The following AKAP10 variants were observed in gnomAD, a reference collection of about 807,000 sequenced individuals.
AKAP10 encodes A-kinase anchor protein 10, mitochondrial.
AKAP10 carries 24 observed loss-of-function variants against 80.8 expected under a neutral mutation model. That is an observed-to-expected ratio of 0.30 (90% CI 0.22 to 0.42). AKAP10 has a LOEUF of 0.42. Among genes scored for constraint, AKAP10 ranks in the 10% least tolerant of loss-of-function variants. AKAP10 has a pLI of 1.00. For missense variants in AKAP10, 661 were observed against 794.9 expected (o/e 0.83, Z 2.03); for synonymous variants, 291 against 277.7 (o/e 1.05, Z -0.48).
chr17:19,926,727 C>T (rs1476158617), intron 10 of AKAP10, among the ~76,000 whole-genome samples: 2 of 152,182 alleles, frequency 1.3e-5, no homozygotes. Context: ...AGGTGAAAGG[C>T]TTCTACTCTG....
At chr17:19,942,333 G>A (rs1171081273) in intron 5 of AKAP10, among the ~76,000 whole-genome samples, 1 of 151,768 alleles carries the variant, frequency 6.6e-6, no homozygotes, top group African/African-American at 2.4e-5. Flanking sequence ...AACGTGAAAA[G>A]ACATACATAC....
chr17:19,932,566 T>C (rs1042232250), intron 9 of AKAP10, among the ~76,000 whole-genome samples: 39 of 151,244 alleles, frequency 2.6e-4, no homozygotes, highest in African/African-American at 9.2e-4. Context: ...TAGCAGAAAA[T>C]AGTCCATAGG....
intron 4 of AKAP10, among the ~76,000 whole-genome samples, chr17:19,954,665 T>G (rs887584355): frequency 6.6e-6 from 1 of 151,110 alleles, no homozygotes; most frequent in Non-Finnish European, 1.5e-5. Context: ...TTTTTTTTTT[T>G]TGTATTTTTA....
At chr17:19,917,327 G>A (rs1247171910) in intron 12 of AKAP10, among the ~76,000 whole-genome samples, 1 of 152,010 alleles carries the variant, frequency 6.6e-6, no homozygotes, top group Non-Finnish European at 1.5e-5. Context: ...ATTAATACTG[G>A]GGAGGAGACC....
intron 8 of AKAP10, among the ~76,000 whole-genome samples, chr17:19,937,208 C>T (rs2043001742): frequency 6.6e-6 from 1 of 151,920 alleles, no homozygotes; most frequent in South Asian, 2.1e-4. Context: ...ATATATGATA[C>T]AAAAACAAGC....
chr17:19,943,203 T>C (rs536986691), intron 5 of AKAP10, among the ~76,000 whole-genome samples: 4 of 152,292 alleles, frequency 2.6e-5, no homozygotes, highest in Admixed American at 2.6e-4. Flanking sequence ...GCCAGTTTCT[T>C]AGCATACAGC....
At chr17:19,920,839 G>C (rs1449942702) in intron 11 of AKAP10, among the ~76,000 whole-genome samples, 1 of 90,016 alleles carries the variant, frequency 1.1e-5, no homozygotes, top group Non-Finnish European at 1.9e-5. Context: ...CTGGGCAACA[G>C]AGCAAGACTC....
chr17:19,909,084 T>C (rs2042662742), intron 14 of AKAP10, 97 bp downstream of exon 14: 1 of 994,680 alleles, frequency 1.0e-6, no homozygotes, highest in Non-Finnish European at 1.5e-6. Flanking sequence ...CCACAGCAGT[T>C]AATCCTTCAA....
intron 12 of AKAP10, among the ~76,000 whole-genome samples, chr17:19,911,359 A>T (rs1043099395): frequency 4.6e-5 from 7 of 152,202 alleles, no homozygotes; most frequent in African/African-American, 1.4e-4. Flanking sequence ...TCAACCTTGG[A>T]CATATCATAA....
In AKAP10 at chr17:19,931,041, G is replaced by T. The variant is rs565588384; in HGVS notation, c.1641+764C>A. Among the ~76,000 whole-genome samples the T allele has an allele frequency of 2.6e-5, 4 of 152,190 alleles. No homozygotes were observed. The East Asian group carries it at 7.7e-4, about 29-fold the overall frequency. On this transcript the variant is annotated intron_variant, in intron 10 of 14. Transcript: ENST00000225737. ...AATTTCAAATTAGCCAGGCGTGGTG[G>T]TGCATGCCTCTAGTCCCAGCTATTC...
chr17:19,936,345 C>T lies in AKAP10; in HGVS notation c.1408G>A (p.Gly470Arg). The change falls in exon 9 of 15, where the codon GGG becomes AGG. Residue 470 changes from glycine to arginine, a missense_variant. Coordinates refer to ENST00000225737, the MANE Select transcript of AKAP10 (RefSeq NM_007202.4). The part of the protein sequence containing the change: ...EIESNICREG[G>R]PLPNCFTTPL... ...GTTGTGAAACAGTTGGGGAGTGGCC[C>T]ACCTTCCCTGCAGATATTGGATTCA... The T allele has an allele frequency of 6.2e-7, 1 of 1,613,880 alleles. No individual in the cohort carries two copies. The highest frequency in any genetic ancestry group is 8.5e-7 in the Non-Finnish European group (1 of 1,179,860).
chr17:19,936,080 T>TCG (rs1567760118), intron 9 of AKAP10: 2 of 432,280 alleles, frequency 4.6e-6, no homozygotes, highest in Non-Finnish European at 8.1e-6. Flanking sequence ...TACAGGACCA[T>TCG]CGTACACGCA....
Position 19,936,267 on chromosome 17 carries a change from G to A in AKAP10, c.1467+19C>T, listed in dbSNP as rs369026814. The A allele has an allele frequency of 5.6e-5, 89 of 1,600,546 alleles. No homozygotes were observed. In the African/African-American group the frequency reaches 6.1e-4, roughly 11 times the overall value. ...AATAAAACTTCTTGTAGTTTGATAC[G>A]TTTGAAGTTCTGGGTTACCTTCTCC... On this transcript the variant is annotated intron_variant, in intron 9 of 14. Transcript: ENST00000225737.
intron 4 of AKAP10, among the ~76,000 whole-genome samples, chr17:19,949,835 C>G (rs1412422387): frequency 6.7e-6 from 1 of 150,012 alleles, no homozygotes; most frequent in African/African-American, 2.4e-5. Flanking sequence ...TTTTCTCTCT[C>G]TTTTTTAACC....
At chr17:19,925,551 C>T (rs1053228132) in intron 10 of AKAP10, among the ~76,000 whole-genome samples, 1 of 152,172 alleles carries the variant, frequency 6.6e-6, no homozygotes, top group East Asian at 1.9e-4. Context: ...AATTCAGTTA[C>T]AGAGAGACTT....
intron 5 of AKAP10, chr17:19,947,036 C>T (rs991690298): frequency 5.3e-6 from 1 of 188,904 alleles, no homozygotes; most frequent in East Asian, 1.6e-4. Context: ...TTTAGCCTCA[C>T]TGGACTTCCA....
chr17:19,961,257 G>A (rs777386635), intron 3 of AKAP10, among the ~76,000 whole-genome samples: 2 of 151,762 alleles, frequency 1.3e-5, no homozygotes, highest in Admixed American at 6.6e-5. Context: ...AGGAGACTGA[G>A]GGAGGATCAC....
chr17:19,956,093 C>T (rs1188658880), intron 4 of AKAP10, among the ~76,000 whole-genome samples: 1 of 152,128 alleles, frequency 6.6e-6, no homozygotes, highest in Admixed American at 6.5e-5. Context: ...CATATTAATA[C>T]TCCAGCACCA....
Position 19,958,548 on chromosome 17 carries a change from T to A in AKAP10, c.343A>T (p.Thr115Ser), listed in dbSNP as rs758367148. Residue 115 changes from threonine (T) to serine (S), a missense_variant, in exon 4 of 15, where the codon ACT becomes TCT. Coordinates refer to ENST00000225737, the MANE Select transcript of AKAP10 (RefSeq NM_007202.4). ...GAAAGGCTTGATTTGGTCTCTTGAG[T>A]CTGGTAGTCCAGACAAGATCTGCCT... is the stretch of plus-strand genomic sequence containing the variant. ...DLGRSCLDYQ[T>S]QETKSSLSKT... 1 of 1,604,794 alleles carries A rather than the reference T, an allele frequency of 6.2e-7. No homozygotes were observed. Among genetic ancestry groups the A allele is most frequent in the South Asian group, 1.1e-5 (1 of 90,980 alleles).
Sources: gnomAD v4.1 joint callset for allele counts (sites outside exome capture counted in the v4.1 genomes callset) on GRCh38, gnomAD v4.1.1 for gene constraint, MANE v1.5 for transcripts, NCBI Gene and HGNC (gene_info 2026-07-23, HGNC 2026-07-21) for gene names.